MCAT: variants seen among roughly 807,000 people sequenced by gnomAD.
MCAT encodes the protein malonyl-CoA-acyl carrier protein transacylase.
Under a neutral mutation model 22.9 loss-of-function variants are expected in MCAT, and 22 were observed. That is an observed-to-expected ratio of 0.96 (90% CI 0.69 to 1.37). The LOEUF is 1.37. Among genes scored for constraint, MCAT ranks in the 40% most tolerant of loss-of-function variants. The pLI, the probability that MCAT is intolerant of heterozygous loss-of-function variation, is 0.00. For synonymous variants in MCAT, 240 were observed against 233.9 expected (o/e 1.03, Z -0.24); for missense variants, 534 against 533.6 (o/e 1.00, Z -0.01).
chr22:43,137,749 T>G lies in MCAT; in HGVS notation c.512-451A>C, dbSNP rs1288115091. Among the ~76,000 whole-genome samples, 11 of 138,238 alleles carry G rather than the reference T, an allele frequency of 8.0e-5. No homozygotes were observed. In the South Asian group the frequency reaches 2.5e-3, roughly 31 times the overall value. 90.7% of individuals were successfully genotyped at this position (138,238 alleles called of 152,430 possible). On this transcript the variant is annotated intron_variant, in intron 2 of 3. Transcript: ENST00000290429. Reference sequence around the variant, plus strand: ...ATAGCGCCACTGTTTTTTTTTTTTTTTAAATAGTGCCACTATTGAGAAACC... The same window carrying G: ...ATAGCGCCACTGTTTTTTTTTTTTTGTAAATAGTGCCACTATTGAGAAACC...
chr22:43,141,386 G>A, intron 1 of MCAT, 137 bp from the exon 2 acceptor site: 2 of 700,708 alleles, frequency 2.9e-6, no homozygotes, highest in East Asian at 5.0e-5. Flanking sequence ...AGCTGGAAGA[G>A]GACACACAAA....
chr22:43,132,760 G>A lies in MCAT; in HGVS notation c.*283C>T. ...AGATGGCACACCTGCCTATGGTGCA[G>A]GGCTGGCAGAGGCGGGGCCAGGATT... On this transcript the variant is annotated 3_prime_UTR_variant, in exon 4 of 4. Transcript: ENST00000290429. 2.2e-6 allele frequency: 1 copy of A among 447,636 alleles called. No homozygotes were observed. Among genetic ancestry groups the A allele is most frequent in the South Asian group, 2.4e-5 (1 of 41,356 alleles). 27.7% of individuals were successfully genotyped at this position (447,636 alleles called of 1,614,324 possible).
chr22:43,133,551 T>C, intron 3 of MCAT, 65 bp from the exon 4 acceptor site: 4 of 1,302,608 alleles, frequency 3.1e-6, no homozygotes, highest in Non-Finnish European at 4.2e-6. Flanking sequence ...GATCTGACCA[T>C]TCACAGGGCC....
chr22:43,132,688 T>A lies in MCAT; in HGVS notation c.*355A>T, dbSNP rs1420847077. Reference sequence around the variant, plus strand: ...GGCCACACCAGCATGTTCTCAGCACTCACAGAGCAGGACAGGCTGCAGCAG... The same window carrying A: ...GGCCACACCAGCATGTTCTCAGCACACACAGAGCAGGACAGGCTGCAGCAG... On this transcript the variant is annotated 3_prime_UTR_variant, in exon 4 of 4. Coordinates refer to ENST00000290429, the MANE Select transcript of MCAT (RefSeq NM_173467.5). The A allele has an allele frequency of 8.4e-6, 2 of 238,604 alleles. No homozygotes were observed. Among genetic ancestry groups the A allele is most frequent in the African/African-American group, 2.2e-5 (1 of 45,078 alleles). The allele number at this position is 238,604 out of a possible 1,614,324, so 14.8% of individuals were successfully genotyped here. A position where few individuals can be genotyped will look rare whatever the true frequency, so the allele number is the denominator to read the frequency against.
intron 2 of MCAT, among the ~76,000 whole-genome samples, chr22:43,139,128 C>A (rs1436301939): frequency 6.6e-6 from 1 of 151,900 alleles, no homozygotes; most frequent in Admixed American, 6.6e-5. Context: ...AACAAATGAA[C>A]AAGAGCCTGT....
rs781067666 is a variant in MCAT, at chr22:43,133,106, G to T, written c.1110C>A (p.Ser370Arg). 6.2e-7 allele frequency: 1 copy of T among 1,614,202 alleles called. No homozygotes were observed. Among genetic ancestry groups the T allele is most frequent in the Non-Finnish European group, 8.5e-7 (1 of 1,180,040 alleles). ...SCNMQAWKSY[S>R]AVDVLQTLEH... ...CGAGGGTCTGCAGCACATCCACGGC[G>T]CTGTAGGACTTCCAGGCCTGCATGT... Residue 370 changes from serine to arginine, a missense_variant, in exon 4 of 4, where the codon AGC (serine) becomes AGA (arginine). Ser to Arg is a moderately radical substitution (Grantham distance 110). Coordinates refer to ENST00000290429, the MANE Select transcript of MCAT (RefSeq NM_173467.5).
At chr22:43,141,003 G>T in intron 2 of MCAT, 159 bp downstream of exon 2, 1 of 619,912 alleles carries the variant, frequency 1.6e-6, no homozygotes, top group South Asian at 1.9e-5. Context: ...TCTTGAAAAG[G>T]AATCACAGCA....
chr22:43,137,171 T>C lies in MCAT; in HGVS notation c.639A>G (p.Glu213=). 1 of 1,614,152 alleles carries C rather than the reference T, an allele frequency of 6.2e-7. No individual in the cohort carries two copies. Among genetic ancestry groups the C allele is most frequent in the Non-Finnish European group, 8.5e-7 (1 of 1,180,028 alleles). Residue 213 remains glutamate, a synonymous_variant, in exon 3 of 4, where the codon GAA becomes GAG. Transcript: ENST00000290429. ...KFNFACLEAR[E]HCKSLGIENP... Reference sequence around the variant, plus strand: ...TCTCTATGCCTAAAGACTTGCAGTGTTCCCGGGCTTCCAAACAGGCGAAGT... The same window carrying C: ...TCTCTATGCCTAAAGACTTGCAGTGCTCCCGGGCTTCCAAACAGGCGAAGT...
chr22:43,136,242 TCAAA>T (rs1037378493), intron 3 of MCAT, among the ~76,000 whole-genome samples: 16 of 152,156 alleles, frequency 1.1e-4, no homozygotes, highest in Admixed American at 2.6e-4. Flanking sequence ...AGACCCTGTC[TCAAA>T]CAAACAAACA....
At chr22:43,139,022 G>A (rs1019151066) in intron 2 of MCAT, among the ~76,000 whole-genome samples, 1 of 152,174 alleles carries the variant, frequency 6.6e-6, no homozygotes, top group Non-Finnish European at 1.5e-5. Context: ...TAAGGCAGGA[G>A]GACTGCTTGA....
intron 3 of MCAT, among the ~76,000 whole-genome samples, chr22:43,136,654 G>A (rs1355782717): frequency 6.6e-6 from 1 of 152,224 alleles, no homozygotes; most frequent in Non-Finnish European, 1.5e-5. Context: ...CAAATGGAAG[G>A]AAATACGGTG....
chr22:43,143,120 T>C lies in MCAT; in HGVS notation c.229A>G (p.Met77Val), dbSNP rs1930829436. 2 of 1,601,432 alleles carry C rather than the reference T, an allele frequency of 1.2e-6. No individual in the cohort carries two copies. The highest frequency in any genetic ancestry group is 8.5e-7 in the Non-Finnish European group (1 of 1,177,782). ...GGGTAGTTGAGCAGACCGCGGCCCA[T>C]GCCCACCACCTGGCTGCCCTGGCCC... ...FPGQGSQVVGMGRGLLNYPRV... is the reference protein window; with the variant it reads ...FPGQGSQVVGVGRGLLNYPRV... Residue 77 changes from methionine to valine, a missense_variant, in exon 1 of 4, where the codon ATG becomes GTG. Transcript: ENST00000290429.
intron 1 of MCAT, 22 bp from the exon 2 acceptor site, chr22:43,141,271 G>A (rs367637489): frequency 1.9e-5 from 30 of 1,598,346 alleles, no homozygotes; most frequent in Admixed American, 1.0e-4. Context: ...GATGCAGAAC[G>A]TGAGCCCTCA....
intron 1 of MCAT, 91 bp downstream of exon 1, chr22:43,142,835 C>T (rs913245864): frequency 1.0e-5 from 13 of 1,301,324 alleles, no homozygotes; most frequent in East Asian, 2.9e-5. Flanking sequence ...GACGTGGGAG[C>T]CCCCGGAATG....
chr22:43,133,618 T>C, intron 3 of MCAT, 132 bp from the exon 4 acceptor site: 1 of 652,422 alleles, frequency 1.5e-6, no homozygotes. Context: ...ACATGTGACC[T>C]GTCTGTCCCA....
chr22:43,136,990 A>G (rs1601741917), intron 3 of MCAT, 91 bp downstream of exon 3: 3 of 1,116,850 alleles, frequency 2.7e-6, no homozygotes, highest in Admixed American at 1.7e-5. Context: ...TGGACCCAGC[A>G]CCCGCCAGAC....
rs772668415 is a variant in MCAT, at chr22:43,141,256, G to C, written c.424-7C>G. Reference sequence around the variant, plus strand: ...CAACACAGTTCTCAATCACCTGTGGGGACAGATGCAGAACGTGAGCCCTCA... The same window carrying C: ...CAACACAGTTCTCAATCACCTGTGGCGACAGATGCAGAACGTGAGCCCTCA... On this transcript the variant is annotated splice_polypyrimidine_tract_variant and splice_region_variant and intron_variant, in intron 1 of 3. Transcript: ENST00000290429. 6.2e-7 allele frequency: 1 copy of C among 1,612,262 alleles called. No individual in the cohort carries two copies. The highest frequency in any genetic ancestry group is 1.3e-5 in the African/African-American group (1 of 75,036).
chr22:43,141,126 C>A, intron 2 of MCAT, 36 bp downstream of exon 2: 1 of 1,590,020 alleles, frequency 6.3e-7, no homozygotes, highest in Non-Finnish European at 8.6e-7. Context: ...GAGCCCAAGA[C>A]CACAGCCTTG....
chr22:43,138,788 T>C (rs6003071), intron 2 of MCAT, among the ~76,000 whole-genome samples: 84,555 of 151,946 alleles, frequency 0.56, 24,217 homozygotes, highest in East Asian at 0.94. Flanking sequence ...ACCAGACCCC[T>C]GACACCCTGG....
Sources: gnomAD v4.1 joint callset for allele counts (sites outside exome capture counted in the v4.1 genomes callset) on GRCh38, gnomAD v4.1.1 for gene constraint, MANE v1.5 for transcripts, NCBI Gene and HGNC (gene_info 2026-07-23, HGNC 2026-07-21) for gene names.